PEX5L: variants seen among roughly 807,000 people sequenced by gnomAD.
PEX5L encodes peroxisomal biogenesis factor 5 like, also known as PEX5-related protein.
PEX5L carries 30 observed loss-of-function variants against 84.0 expected under a neutral mutation model. The ratio of observed to expected loss-of-function variants is 0.36; its 90% CI spans 0.27 to 0.48. The LOEUF is 0.48. Among genes scored for constraint, PEX5L ranks in the 20% least tolerant of loss-of-function variants. PEX5L has a pLI of 0.99. For synonymous variants in PEX5L, 270 were observed against 283.1 expected, an observed-to-expected ratio of 0.95 and a Z score of 0.46; for missense variants, 533 against 754.6, an observed-to-expected ratio of 0.71 and a Z score of 3.44.
intron 7 of PEX5L, among the ~76,000 whole-genome samples, chr3:179,860,885 A>G (rs925691874): frequency 2.6e-5 from 4 of 152,098 alleles, no homozygotes; most frequent in African/African-American, 9.7e-5. Context: ...GCTCATAACC[A>G]CTGTTCTACA....
intron 1 of PEX5L, among the ~76,000 whole-genome samples, chr3:180,018,965 A>T (rs73883469): frequency 0.18 from 27,303 of 152,192 alleles, 2,572 homozygotes; most frequent in African/African-American, 0.24. Context: ...ATAGAGCCAC[A>T]GAAATCAATA....
intron 2 of PEX5L, among the ~76,000 whole-genome samples, chr3:179,941,788 A>G (rs143331427): frequency 0.017 from 2,662 of 152,200 alleles, 73 homozygotes; most frequent in African/African-American, 0.061. Context: ...TTTGTGAGGC[A>G]GAGGTGGGCG....
At chr3:179,986,733 G>A (rs1286822570) in intron 1 of PEX5L, among the ~76,000 whole-genome samples, 16 of 152,060 alleles carry the variant, frequency 1.1e-4, no homozygotes, top group Non-Finnish European at 1.5e-5. Context: ...AGGATCGTTT[G>A]AAAGGTCACA....
At position 180,017,867 on chromosome 3, in the gene PEX5L, AG is replaced by A. The variant is rs529251886; in HGVS notation, c.21+18711del. 3.9e-3 allele frequency among the ~76,000 whole-genome samples: 600 copies of A among 152,344 alleles called. 5 individuals carry two copies. Among genetic ancestry groups the A allele is most frequent in the Non-Finnish European group, 6.4e-3 (437 of 68,030 alleles). On this transcript the variant is annotated intron_variant, in intron 1 of 14. Transcript: ENST00000467460. The stretch of plus-strand genomic sequence containing the variant: ...CACTTCTGAGAAAAGGTTGAGGTTC[AG>A]AGAAAGGAATCACGATTCAAAATAA...
intron 1 of PEX5L, among the ~76,000 whole-genome samples, chr3:179,992,435 T>TA (rs2110378120): frequency 6.6e-6 from 1 of 152,330 alleles, no homozygotes; most frequent in East Asian, 1.9e-4. Context: ...TTATCAGGAT[T>TA]AAAAAATCTC....
intron 8 of PEX5L, among the ~76,000 whole-genome samples, chr3:179,847,081 G>A (rs4855119): frequency 0.38 from 39,660 of 104,330 alleles, 6,042 homozygotes; most frequent in East Asian, 0.72. Flanking sequence ...GTGTGTGTGT[G>A]TATATATATA....
At chr3:179,880,199 C>A in intron 4 of PEX5L, 76 bp from the exon 5 acceptor site, 1 of 877,040 alleles carries the variant, frequency 1.1e-6, no homozygotes, top group Non-Finnish European at 1.7e-6. Context: ...CAGTTGGGTA[C>A]AGAAAGATTT....
chr3:180,018,274 C>T (rs1049246797), intron 1 of PEX5L, among the ~76,000 whole-genome samples: 1 of 152,040 alleles, frequency 6.6e-6, no homozygotes, highest in Non-Finnish European at 1.5e-5. Flanking sequence ...TTTATATTTG[C>T]AATTTTTCCA....
At chr3:179,933,431 T>A (rs1560780593) in intron 2 of PEX5L, among the ~76,000 whole-genome samples, 1 of 138,300 alleles carries the variant, frequency 7.2e-6, no homozygotes, top group African/African-American at 2.8e-5. Flanking sequence ...GATAATGGAG[T>A]CATATACAAT....
At chr3:179,920,961 A>G (rs1174754310) in intron 2 of PEX5L, among the ~76,000 whole-genome samples, 3 of 152,174 alleles carry the variant, frequency 2.0e-5, no homozygotes, top group Non-Finnish European at 4.4e-5. Flanking sequence ...AGGAGAAAAC[A>G]ATGAAGTCCC....
rs775150381 is a variant in PEX5L at position 179,971,602 on chromosome 3, G to C, written c.85C>G (p.Gln29Glu). 1 of 1,606,690 alleles carries C rather than the reference G, an allele frequency of 6.2e-7. No individual in the cohort carries two copies. The highest frequency in any genetic ancestry group is 1.3e-5 in the African/African-American group (1 of 74,730). The change falls in exon 2 of 15, where the codon CAA (glutamine) becomes GAA (glutamate). Residue 29 changes from glutamine to glutamate, a missense_variant. Physicochemically the swap from Gln to Glu is conservative, Grantham distance 29. This residue lies in a region of PEX5L where 259 missense variants were observed against 301.7 expected (regional missense o/e 0.86). Coordinates refer to ENST00000467460, the MANE Select transcript of PEX5L (RefSeq NM_016559.3). ...SDEDLEIIVDQKQGKGSRAAD... is the reference protein window; with the variant it reads ...SDEDLEIIVDEKQGKGSRAAD... Reference sequence around the variant, plus strand: ...CGTAAGTATTCACTTACCTGCTTTTGATCAACAATTATTTCGAGGTCTTCA... The same window carrying C: ...CGTAAGTATTCACTTACCTGCTTTTCATCAACAATTATTTCGAGGTCTTCA...
At chr3:179,952,845 C>T (rs1183587002) in intron 2 of PEX5L, among the ~76,000 whole-genome samples, 1 of 152,270 alleles carries the variant, frequency 6.6e-6, no homozygotes, top group East Asian at 1.9e-4. Context: ...TACCTGACTT[C>T]AAATTATGCT....
At chr3:179,863,156 C>T (rs1210955539) in intron 7 of PEX5L, among the ~76,000 whole-genome samples, 1 of 152,130 alleles carries the variant, frequency 6.6e-6, no homozygotes. Context: ...TGAAATTACA[C>T]CCTTTTCTCA....
chr3:179,948,916 GCAATCAGTATATCTA>G (rs1778335651), intron 2 of PEX5L, among the ~76,000 whole-genome samples: 3 of 152,200 alleles, frequency 2.0e-5, no homozygotes, highest in African/African-American at 7.2e-5. Flanking sequence ...TTAAACACAA[GCAATCAGTATATCTA>G]CATTCGTGCA....
chr3:180,017,708 C>T (rs1790061061), intron 1 of PEX5L, among the ~76,000 whole-genome samples: 1 of 151,654 alleles, frequency 6.6e-6, no homozygotes, highest in African/African-American at 2.4e-5. Flanking sequence ...TGTGTCTTTT[C>T]AGCTAACTTT....
intron 1 of PEX5L, among the ~76,000 whole-genome samples, chr3:180,002,256 G>T (rs1157775644): frequency 6.6e-6 from 1 of 152,036 alleles, no homozygotes; most frequent in African/African-American, 2.4e-5. Flanking sequence ...GATTCCTAGG[G>T]ATGAGATTGC....
intron 2 of PEX5L, among the ~76,000 whole-genome samples, chr3:179,902,383 T>G (rs542251201): frequency 1.8e-4 from 28 of 152,300 alleles, no homozygotes; most frequent in Non-Finnish European, 2.6e-4. Context: ...TCGCTCAGAT[T>G]TGGGGCGGCA....
At chr3:179,983,843 G>A (rs373201057) in intron 1 of PEX5L, among the ~76,000 whole-genome samples, 4 of 152,208 alleles carry the variant, frequency 2.6e-5, no homozygotes, top group African/African-American at 9.6e-5. Context: ...AGACGTTTCT[G>A]ATGAGATCAG....
intron 8 of PEX5L, among the ~76,000 whole-genome samples, chr3:179,858,392 A>G (rs1409276037): frequency 6.6e-6 from 1 of 151,970 alleles, no homozygotes; most frequent in Non-Finnish European, 1.5e-5. Flanking sequence ...CTTTCTGTTT[A>G]TTTAGGTTTT....
Sources: gnomAD v4.1 joint callset for allele counts (sites outside exome capture counted in the v4.1 genomes callset) on GRCh38, gnomAD v4.1.1 for gene constraint, gnomAD v4.1.1 regional missense constraint, MANE v1.5 for transcripts, NCBI Gene and HGNC (gene_info 2026-07-23, HGNC 2026-07-21) for gene names.